ACSS3: variants seen among roughly 807,000 people sequenced by gnomAD.
ACSS3 encodes the protein acyl-CoA synthetase short-chain family member 3, mitochondrial.
In ACSS3, 64 loss-of-function variants were observed where a neutral mutation model predicts 84.2. The observed-to-expected ratio is 0.76, with a 90% CI of 0.62 to 0.94. The LOEUF (loss-of-function observed/expected upper bound fraction) is 0.94. Among genes scored for constraint, ACSS3 ranks in the 40% least tolerant of loss-of-function variants. ACSS3 has a pLI of 0.00. For synonymous variants in ACSS3, 317 were observed against 310.1 expected (o/e 1.02, Z -0.23); for missense variants, 815 against 867.6 (o/e 0.94, Z 0.76).
rs937541558 is a variant in ACSS3 at position 81,174,785 on chromosome 12, T to C, written c.1099-3T>C. The C allele has an allele frequency of 1.6e-5, 25 of 1,611,444 alleles. No individual in the cohort carries two copies. The highest frequency in any genetic ancestry group is 3.3e-5 in the Admixed American group (2 of 59,864). On this transcript the variant is annotated splice_polypyrimidine_tract_variant and splice_region_variant and intron_variant, in intron 7 of 15. Coordinates refer to ENST00000548058, the MANE Select transcript of ACSS3 (RefSeq NM_024560.4). Reference sequence around the variant, plus strand: ...GTGACATTTTAAATGAATCTCATTGTAGGGGAAGCCTGTGGGAACACCAGA... The same window carrying C: ...GTGACATTTTAAATGAATCTCATTGCAGGGGAAGCCTGTGGGAACACCAGA...
intron 2 of ACSS3, among the ~76,000 whole-genome samples, chr12:81,117,676 G>A (rs1344571511): frequency 6.6e-6 from 1 of 152,058 alleles, no homozygotes; most frequent in Admixed American, 6.6e-5. Context: ...TTCCAAAGAT[G>A]ATGGGAAGCT....
chr12:81,128,792 T>C (rs955932908), intron 2 of ACSS3, among the ~76,000 whole-genome samples: 3 of 152,192 alleles, frequency 2.0e-5, no homozygotes, highest in African/African-American at 4.8e-5. Flanking sequence ...TTTTCTTCTT[T>C]GATAATTTTC....
At chr12:81,229,246 G>A (rs1445223523) in intron 11 of ACSS3, among the ~76,000 whole-genome samples, 2 of 151,656 alleles carry the variant, frequency 1.3e-5, no homozygotes, top group African/African-American at 4.8e-5. Context: ...ACTGAAAATT[G>A]TCTCTTATTT....
intron 2 of ACSS3, among the ~76,000 whole-genome samples, chr12:81,122,684 G>A (rs1362436728): frequency 6.6e-6 from 1 of 152,128 alleles, no homozygotes; most frequent in Non-Finnish European, 1.5e-5. Context: ...GGGAAAGTGT[G>A]TACATTAGCC....
intron 9 of ACSS3, among the ~76,000 whole-genome samples, chr12:81,209,151 G>T (rs1438186433): frequency 6.6e-6 from 1 of 151,962 alleles, no homozygotes; most frequent in Non-Finnish European, 1.5e-5. Flanking sequence ...CTAAAATCAT[G>T]TTAGAAGTAT....
At chr12:81,171,667 C>G (rs2030054071) in intron 7 of ACSS3, among the ~76,000 whole-genome samples, 1 of 152,070 alleles carries the variant, frequency 6.6e-6, no homozygotes. Context: ...GGTACAGAGT[C>G]AGACTTGCAA....
At chr12:81,213,761 C>T (rs1347217859) in intron 9 of ACSS3, among the ~76,000 whole-genome samples, 6 of 118,926 alleles carry the variant, frequency 5.0e-5, no homozygotes, top group African/African-American at 1.6e-4. Context: ...CTCTCCTCTC[C>T]GCTCCTCTCT....
Position 81,174,848 on chromosome 12 carries a change from G to GTAGC in ACSS3, c.1161_1164dup (p.Ala389SerfsTer11). ...TTTCCGTGTGCTTGCAGAGCATGGA[G>GTAGC]TAGCTGCCTTGTTTACAGCACCAAC... is the stretch of plus-strand genomic sequence containing the variant. On this transcript the variant is annotated frameshift_variant, in exon 8 of 16. Coordinates refer to ENST00000548058, the MANE Select transcript of ACSS3 (RefSeq NM_024560.4). LOFTEE classifies it high-confidence loss of function. 6.2e-7 allele frequency: 1 copy of GTAGC among 1,613,984 alleles called. No individual in the cohort carries two copies. Among genetic ancestry groups the GTAGC allele is most frequent in the Non-Finnish European group, 8.5e-7 (1 of 1,179,950 alleles).
intron 8 of ACSS3, among the ~76,000 whole-genome samples, chr12:81,183,738 G>T (rs997907578): frequency 3.3e-5 from 5 of 151,974 alleles, no homozygotes; most frequent in Non-Finnish European, 7.4e-5. Context: ...CATTCATTAA[G>T]ATAACTCAAC....
chr12:81,097,859 A>C (rs940596197), intron 1 of ACSS3, among the ~76,000 whole-genome samples: 2 of 152,174 alleles, frequency 1.3e-5, no homozygotes, highest in African/African-American at 2.4e-5. Context: ...TCAGGTAGGA[A>C]ACTTGTCTCT....
intron 2 of ACSS3, among the ~76,000 whole-genome samples, chr12:81,127,507 G>A (rs926183361): frequency 6.6e-6 from 1 of 152,082 alleles, no homozygotes; most frequent in Non-Finnish European, 1.5e-5. Context: ...TAAAAGTAAG[G>A]TGCAAGTATT....
At chr12:81,246,909 C>T (rs946025628) in intron 13 of ACSS3, among the ~76,000 whole-genome samples, 1 of 152,028 alleles carries the variant, frequency 6.6e-6, no homozygotes, top group African/African-American at 2.4e-5. Context: ...CTATAGCAAA[C>T]GTGCTTATGT....
chr12:81,161,604 C>A (rs1422796135), intron 7 of ACSS3, among the ~76,000 whole-genome samples: 1 of 152,130 alleles, frequency 6.6e-6, no homozygotes, highest in Admixed American at 6.5e-5. Context: ...GTTTAGATAA[C>A]CCTAATGTCA....
intron 11 of ACSS3, among the ~76,000 whole-genome samples, chr12:81,221,557 T>G (rs980612836): frequency 3.3e-5 from 5 of 152,114 alleles, no homozygotes; most frequent in Non-Finnish European, 5.9e-5. Context: ...TCTCATGCTT[T>G]TATCAGTAAA....
chr12:81,217,517 T>G (rs552834450), intron 10 of ACSS3, among the ~76,000 whole-genome samples: 223 of 152,260 alleles, frequency 1.5e-3, no homozygotes, highest in Non-Finnish European at 1.4e-3. Flanking sequence ...TAATTTAGGA[T>G]TGAGGACAAA....
chr12:81,198,686 C>T (rs1228636625), intron 8 of ACSS3, among the ~76,000 whole-genome samples: 3 of 151,414 alleles, frequency 2.0e-5, no homozygotes, highest in Admixed American at 6.6e-5. Context: ...TTCCATTCTG[C>T]GATACAGTGC....
chr12:81,101,404 A>G (rs868769347), intron 1 of ACSS3, among the ~76,000 whole-genome samples: 18 of 152,258 alleles, frequency 1.2e-4, no homozygotes, highest in Admixed American at 5.2e-4. Flanking sequence ...ATAAAAATAC[A>G]GACTATCCCT....
rs749183389 is a variant in ACSS3, at chr12:81,109,591, A to C, written c.343A>C (p.Asn115His). 6.2e-7 allele frequency: 1 copy of C among 1,612,356 alleles called. No homozygotes were observed. The change falls in exon 2 of 16, where the codon AAT (asparagine) becomes CAT (histidine). Residue 115 changes from asparagine (N) to histidine (H), a missense_variant. Transcript: ENST00000548058. ...FVEGMLNICY[N>H]AVDRHIENGK... ...GGAAGGAATGCTTAACATTTGTTAC[A>C]ATGCCGTTGATCGTCATATTGAAAA...
rs563346184 is a variant in ACSS3 at position 81,151,902 on chromosome 12, T to C, written c.980T>C (p.Ile327Thr). 24 of 1,613,816 alleles carry C rather than the reference T, an allele frequency of 1.5e-5. No homozygotes were observed. Among genetic ancestry groups the C allele is most frequent in the African/African-American group, 2.7e-5 (2 of 74,926 alleles). ...ATGCTACACTGGTCAATGTCTTCCATATACGGACTTCAACCCGGAGAGGTA... is the reference window on the plus strand; with the variant it reads ...ATGCTACACTGGTCAATGTCTTCCACATACGGACTTCAACCCGGAGAGGTA... ...AVMLHWSMSS[I>T]YGLQPGEVWW... The change falls in exon 6 of 16, where the codon ATA becomes ACA. Residue 327 changes from isoleucine to threonine, a missense_variant. By Grantham distance (89) the Ile-to-Thr change is moderately conservative (BLOSUM62 -1). Transcript: ENST00000548058.
Sources: allele counts gnomAD v4.1 joint callset (sites outside exome capture counted in the v4.1 genomes callset), GRCh38; gene constraint gnomAD v4.1.1; transcripts MANE v1.5; gene names NCBI Gene and HGNC (gene_info 2026-07-23, HGNC 2026-07-21).